Variants in PDGFRL observed in about 807,000 individuals in gnomAD.
PDGFRL encodes platelet-derived growth factor receptor-like protein.
In PDGFRL, 46 loss-of-function variants were observed where a neutral mutation model predicts 37.2. The observed-to-expected ratio is 1.24, with a 90% CI of 0.98 to 1.58. PDGFRL has a LOEUF of 1.58. Ranked by LOEUF, PDGFRL falls within the 40% of genes most tolerant of loss-of-function variation. The probability of loss-of-function intolerance (pLI) is 0.00; values close to 1 mark genes in which losing one functional copy is unlikely to be tolerated. For missense variants in PDGFRL, 692 were observed against 467.6 expected, an observed-to-expected ratio of 1.48 and a Z score of -4.43; for synonymous variants, 251 against 184.3, an observed-to-expected ratio of 1.36 and a Z score of -2.93.
chr8:17,615,684 G>T lies in PDGFRL; in HGVS notation c.354-5367G>T, dbSNP rs186607946. Among the ~76,000 whole-genome samples, 209 of 152,300 alleles carry T rather than the reference G, an allele frequency of 1.4e-3. 1 individual carries two copies. The highest frequency in any genetic ancestry group is 4.8e-3 in the African/African-American group (201 of 41,568). On this transcript the variant is annotated intron_variant, in intron 2 of 5. Coordinates refer to ENST00000251630, the MANE Select transcript of PDGFRL (RefSeq NM_001372073.1). ...TAATCCCAGCACTTGGGGAGGCTGT[G>T]GTGGGAGATTGCTTGAGGCCAGGAA...
intron 2 of PDGFRL, among the ~76,000 whole-genome samples, chr8:17,620,627 T>C (rs1804610817): frequency 1.3e-5 from 2 of 152,192 alleles, no homozygotes. Context: ...TAATATTGCA[T>C]TTTCACGATT....
rs1245448810 is a variant in PDGFRL, at chr8:17,592,326, C to T, written c.353+2561C>T. Among the ~76,000 whole-genome samples, 2 of 152,306 alleles carry T rather than the reference C, an allele frequency of 1.3e-5. 1 individual carries two copies. The highest frequency in any genetic ancestry group is 4.1e-4 in the South Asian group (2 of 4,826). On this transcript the variant is annotated intron_variant, in intron 2 of 5. Coordinates refer to ENST00000251630, the MANE Select transcript of PDGFRL (RefSeq NM_001372073.1). ...ATCTGTCCATTTGCATTCCTGGAGT[C>T]ACTGTCCCCTGTCTGAGGCGCTCTT...
intron 2 of PDGFRL, among the ~76,000 whole-genome samples, chr8:17,600,299 G>C (rs955207360): frequency 2.0e-5 from 3 of 152,060 alleles, no homozygotes; most frequent in East Asian, 1.9e-4. Flanking sequence ...TTGCAGTCCT[G>C]TGTCCTTCTG....
At chr8:17,598,567 T>C (rs1021610637) in intron 2 of PDGFRL, among the ~76,000 whole-genome samples, 3 of 152,220 alleles carry the variant, frequency 2.0e-5, no homozygotes, top group Non-Finnish European at 2.9e-5. Context: ...AGTACTGATG[T>C]GTACACTGCA....
chr8:17,600,703 T>C (rs2517172), intron 2 of PDGFRL, among the ~76,000 whole-genome samples: 73,879 of 150,922 alleles, frequency 0.49, 20,140 homozygotes, highest in Middle Eastern at 0.62. Flanking sequence ...CTCAGGATGC[T>C]GTGGTGAGAA....
At chr8:17,587,757 G>A (rs1174905197) in intron 1 of PDGFRL, among the ~76,000 whole-genome samples, 2 of 150,768 alleles carry the variant, frequency 1.3e-5, no homozygotes, top group Admixed American at 6.6e-5. Flanking sequence ...CCTCCCGAGT[G>A]GTAGCTGGGA....
At chr8:17,635,360 C>T (rs763089149) in intron 5 of PDGFRL, among the ~76,000 whole-genome samples, 2 of 151,724 alleles carry the variant, frequency 1.3e-5, no homozygotes, top group African/African-American at 2.4e-5. Flanking sequence ...TAGCTTAGCT[C>T]GCATTTAACA....
intron 1 of PDGFRL, among the ~76,000 whole-genome samples, chr8:17,582,139 C>G (rs1403298756): frequency 6.6e-6 from 1 of 152,188 alleles, no homozygotes; most frequent in African/African-American, 2.4e-5. Context: ...GGAGAAAAGT[C>G]ACCCTTGTTA....
intron 1 of PDGFRL, among the ~76,000 whole-genome samples, chr8:17,580,257 A>G (rs3780117): frequency 0.28 from 42,088 of 151,834 alleles, 6,100 homozygotes; most frequent in Middle Eastern, 0.39. Context: ...AGGTAAGGAC[A>G]GAGACACAAT....
intron 1 of PDGFRL, among the ~76,000 whole-genome samples, chr8:17,589,224 A>G (rs1228757916): frequency 1.3e-5 from 2 of 152,122 alleles, no homozygotes; most frequent in Admixed American, 1.3e-4. Context: ...TGTCTCTACT[A>G]AAAATACAAA....
At chr8:17,586,904 C>T (rs1278644346) in intron 1 of PDGFRL, among the ~76,000 whole-genome samples, 4 of 152,154 alleles carry the variant, frequency 2.6e-5, no homozygotes, top group Non-Finnish European at 4.4e-5. Context: ...TTGAATTTTG[C>T]CACCTATTTC....
intron 4 of PDGFRL, among the ~76,000 whole-genome samples, chr8:17,632,396 A>G (rs1041476458): frequency 5.3e-5 from 8 of 150,746 alleles, no homozygotes; most frequent in African/African-American, 1.7e-4. Flanking sequence ...GCTGGAGTGC[A>G]GTGGTGTGAT....
At chr8:17,605,790 G>A (rs946859071) in intron 2 of PDGFRL, among the ~76,000 whole-genome samples, 6 of 152,310 alleles carry the variant, frequency 3.9e-5, no homozygotes, top group South Asian at 4.1e-4. Context: ...GTATCTGGTC[G>A]GATGTTAGCA....
At chr8:17,611,132 C>G (rs762986382) in intron 2 of PDGFRL, among the ~76,000 whole-genome samples, 4 of 152,192 alleles carry the variant, frequency 2.6e-5, no homozygotes, top group Non-Finnish European at 4.4e-5. Context: ...GGATTTCATT[C>G]CCAGCTCTGC....
At chr8:17,590,807 C>G (rs868227939) in intron 2 of PDGFRL, among the ~76,000 whole-genome samples, 1 of 152,134 alleles carries the variant, frequency 6.6e-6, no homozygotes, top group Middle Eastern at 3.4e-3. Flanking sequence ...AATGACCTAA[C>G]AGGAGATTTC....
chr8:17,594,262 A>G (rs1428127438), intron 2 of PDGFRL, among the ~76,000 whole-genome samples: 1 of 152,138 alleles, frequency 6.6e-6, no homozygotes, highest in Non-Finnish European at 1.5e-5. Context: ...TATTTTTGAG[A>G]CGGAGTCTTG....
chr8:17,591,655 C>G (rs990915969), intron 2 of PDGFRL, among the ~76,000 whole-genome samples: 17 of 152,310 alleles, frequency 1.1e-4, no homozygotes, highest in African/African-American at 3.4e-4. Context: ...GTGGCTCACG[C>G]CTGTAATCCC....
chr8:17,626,857 A>T (rs959950345), intron 3 of PDGFRL, among the ~76,000 whole-genome samples: 1 of 146,302 alleles, frequency 6.8e-6, no homozygotes, highest in African/African-American at 2.4e-5. Context: ...CAGTAAGATA[A>T]AAATGCCATC....
rs1804284215 is a variant in PDGFRL, at chr8:17,606,666, G to C, written c.354-14385G>C. Reference sequence around the variant, plus strand: ...GTACTCAATGTTCTGAGAGCGTTCAGCTTGCAGAAAAACACAGCTATGTTC... The same window carrying C: ...GTACTCAATGTTCTGAGAGCGTTCACCTTGCAGAAAAACACAGCTATGTTC... On this transcript the variant is annotated intron_variant, in intron 2 of 5. Transcript: ENST00000251630. 2.0e-5 allele frequency among the ~76,000 whole-genome samples: 3 copies of C among 150,176 alleles called. No individual in the cohort carries two copies. In the Admixed American group the frequency reaches 2.0e-4, roughly 10 times the overall value.
Sources: gnomAD v4.1 joint callset for allele counts (sites outside exome capture counted in the v4.1 genomes callset) on GRCh38, gnomAD v4.1.1 for gene constraint, MANE v1.5 for transcripts, NCBI Gene and HGNC (gene_info 2026-07-23, HGNC 2026-07-21) for gene names.